Variants in GABRB2 observed in about 807,000 individuals in gnomAD.
GABRB2 encodes gamma-aminobutyric acid receptor subunit beta-2.
In GABRB2, 16 loss-of-function variants were observed where a neutral mutation model predicts 54.7. The ratio of observed to expected loss-of-function variants is 0.29; its 90% CI spans 0.20 to 0.44. The LOEUF (loss-of-function observed/expected upper bound fraction) is 0.44. GABRB2 is among the 20% of genes least tolerant of loss of function. The probability of loss-of-function intolerance (pLI) is 1.00; values close to 1 mark genes in which losing one functional copy is unlikely to be tolerated. For synonymous variants in GABRB2, 244 were observed against 233.8 expected, an observed-to-expected ratio of 1.04 and a Z score of -0.40; for missense variants, 355 against 644.0, an observed-to-expected ratio of 0.55 and a Z score of 4.86.
intron 3 of GABRB2, among the ~76,000 whole-genome samples, chr5:161,533,049 T>C (rs1760513603): frequency 6.6e-6 from 1 of 152,166 alleles, no homozygotes; most frequent in Non-Finnish European, 1.5e-5. Flanking sequence ...GAGAAGTCAT[T>C]TCATCTTCAA....
At chr5:161,465,032 T>G (rs925937098) in intron 3 of GABRB2, among the ~76,000 whole-genome samples, 12 of 152,082 alleles carry the variant, frequency 7.9e-5, no homozygotes, top group African/African-American at 2.2e-4. Flanking sequence ...CGAGTGCATT[T>G]TTCTGTATGC....
chr5:161,390,772 T>C (rs1755796755), intron 5 of GABRB2, among the ~76,000 whole-genome samples: 1 of 152,140 alleles, frequency 6.6e-6, no homozygotes. Context: ...CTAGTCTCCA[T>C]GTCCTTTCTC....
At chr5:161,385,322 C>T (rs533572624) in intron 5 of GABRB2, among the ~76,000 whole-genome samples, 16 of 152,162 alleles carry the variant, frequency 1.1e-4, no homozygotes, top group African/African-American at 3.9e-4. Context: ...AACATTTCAC[C>T]GTGAAACTTT....
At chr5:161,505,035 G>T (rs1186450275) in intron 3 of GABRB2, among the ~76,000 whole-genome samples, 1 of 151,324 alleles carries the variant, frequency 6.6e-6, no homozygotes, top group African/African-American at 2.4e-5. Context: ...AAGAAATGCT[G>T]TAAATTCTAT....
chr5:161,387,705 G>T (rs561060526), intron 5 of GABRB2, among the ~76,000 whole-genome samples: 1 of 152,004 alleles, frequency 6.6e-6, no homozygotes, highest in East Asian at 1.9e-4. Context: ...TTTTCTTTAG[G>T]GAAGAACTAT....
chr5:161,310,877 C>A (rs1757846080), intron 9 of GABRB2, among the ~76,000 whole-genome samples: 2 of 152,074 alleles, frequency 1.3e-5, no homozygotes, highest in Admixed American at 1.3e-4. Context: ...GTTCTCCTGC[C>A]TCAGCCTCCA....
chr5:161,315,919 C>A (rs1758015406), intron 9 of GABRB2, among the ~76,000 whole-genome samples: 1 of 152,122 alleles, frequency 6.6e-6, no homozygotes, highest in East Asian at 1.9e-4. Context: ...TATAATATTT[C>A]TTTCCATAGA....
chr5:161,313,364 C>A (rs1382046719), intron 9 of GABRB2, among the ~76,000 whole-genome samples: 1 of 151,786 alleles, frequency 6.6e-6, no homozygotes, highest in African/African-American at 2.4e-5. Context: ...TCTTTGCGCC[C>A]CTCCCCACTA....
At chr5:161,325,732 C>T (rs80343625) in intron 9 of GABRB2, among the ~76,000 whole-genome samples, 8,717 of 152,168 alleles carry the variant, frequency 0.057, 366 homozygotes, top group Middle Eastern at 0.071. Flanking sequence ...AGATCACCAA[C>T]ACATGAGGAT....
chr5:161,498,350 G>GT (rs33983588), intron 3 of GABRB2, among the ~76,000 whole-genome samples: 2 of 148,354 alleles, frequency 1.3e-5, no homozygotes, highest in African/African-American at 2.5e-5. Context: ...AAAATCTTTA[G>GT]TTTTTTTTTT....
chr5:161,292,408 T>A lies in GABRB2; in HGVS notation c.*1673A>T, dbSNP rs1333100113. Reference sequence around the variant, plus strand: ...TTAAGGAAAATTTAGCAATTCACTATTTTCTATAAGAAAAGCAAAATATGA... The same window carrying A: ...TTAAGGAAAATTTAGCAATTCACTAATTTCTATAAGAAAAGCAAAATATGA... On this transcript the variant is annotated 3_prime_UTR_variant, in exon 10 of 10. Transcript: ENST00000393959. 6.6e-6 allele frequency: 1 copy of A among 152,208 alleles called. No homozygotes were observed. The highest frequency in any genetic ancestry group is 1.5e-5 in the Non-Finnish European group (1 of 68,038). 9.4% of individuals were successfully genotyped at this position (152,208 alleles called of 1,614,324 possible).
intron 3 of GABRB2, among the ~76,000 whole-genome samples, chr5:161,468,841 A>G (rs2113291372): frequency 6.6e-6 from 1 of 152,142 alleles, no homozygotes. Context: ...TTAGCAATAA[A>G]ATAAAAATTA....
intron 5 of GABRB2, among the ~76,000 whole-genome samples, chr5:161,344,410 T>C (rs1754257739): frequency 6.6e-6 from 1 of 152,086 alleles, no homozygotes; most frequent in South Asian, 2.1e-4. Flanking sequence ...CACTCTGGCA[T>C]TGGATTTCTG....
chr5:161,409,548 G>A (rs1416266501), intron 5 of GABRB2, among the ~76,000 whole-genome samples: 1 of 152,000 alleles, frequency 6.6e-6, no homozygotes, highest in Non-Finnish European at 1.5e-5. Flanking sequence ...CTACAACTGT[G>A]ATTATTTGAT....
intron 3 of GABRB2, among the ~76,000 whole-genome samples, chr5:161,462,784 A>ACACAT (rs1211185578): frequency 6.6e-6 from 1 of 152,192 alleles, no homozygotes; most frequent in Admixed American, 6.5e-5. Context: ...ATTTTCAAAT[A>ACACAT]CACATCATGA....
At chr5:161,426,955 G>A (rs1757019235) in intron 4 of GABRB2, among the ~76,000 whole-genome samples, 1 of 152,134 alleles carries the variant, frequency 6.6e-6, no homozygotes, top group Non-Finnish European at 1.5e-5. Context: ...TGGGAATAGG[G>A]TTGAAAGAAT....
intron 3 of GABRB2, among the ~76,000 whole-genome samples, chr5:161,512,747 A>G (rs1759815923): frequency 1.3e-5 from 2 of 152,152 alleles, no homozygotes; most frequent in Admixed American, 1.3e-4. Flanking sequence ...GCGTCTGCAC[A>G]GCAAAAGGAT....
At chr5:161,427,585 T>C (rs1035202278) in intron 4 of GABRB2, among the ~76,000 whole-genome samples, 5 of 149,704 alleles carry the variant, frequency 3.3e-5, no homozygotes, top group African/African-American at 1.0e-4. Context: ...CCTAAATCCT[T>C]TGCAGCCTCA....
chr5:161,381,425 C>T (rs1401472993), intron 5 of GABRB2, among the ~76,000 whole-genome samples: 1 of 152,084 alleles, frequency 6.6e-6, no homozygotes, highest in African/African-American at 2.4e-5. Flanking sequence ...CTTGTGCCCT[C>T]CTTGGCACAT....
Sources: gnomAD v4.1 joint callset for allele counts (sites outside exome capture counted in the v4.1 genomes callset) on GRCh38, gnomAD v4.1.1 for gene constraint, MANE v1.5 for transcripts, NCBI Gene and HGNC (gene_info 2026-07-23, HGNC 2026-07-21) for gene names.